SLC14A2: variants seen among roughly 807,000 people sequenced by gnomAD.
The protein encoded by SLC14A2 is solute carrier family 14 member 2, also known as urea transporter 2.
SLC14A2 carries 91 observed loss-of-function variants against 104.6 expected under a neutral mutation model. The ratio of observed to expected loss-of-function variants is 0.87; its 90% CI spans 0.73 to 1.04. SLC14A2 has a LOEUF of 1.04. SLC14A2 is among the 50% of genes least tolerant of loss of function. The pLI is 0.00. For missense variants in SLC14A2, 1,189 were observed against 1,156.0 expected (o/e 1.03, Z -0.41); for synonymous variants, 476 against 466.4 (o/e 1.02, Z -0.27).
intron 2 of SLC14A2, among the ~76,000 whole-genome samples, chr18:45,578,633 G>C (rs909241322): frequency 1.3e-5 from 2 of 152,192 alleles, no homozygotes; most frequent in African/African-American, 4.8e-5. Context: ...AATTTTGCCT[G>C]AAGGTAGAAC....
intron 1 of SLC14A2, among the ~76,000 whole-genome samples, chr18:45,414,109 C>T (rs2086243679): frequency 6.6e-6 from 1 of 152,174 alleles, no homozygotes; most frequent in Non-Finnish European, 1.5e-5. Context: ...TAAGGACCTG[C>T]ATAATTTATT....
chr18:45,263,049 T>TTTGAATTA (rs1313857602), intron 1 of SLC14A2, among the ~76,000 whole-genome samples: 4 of 152,216 alleles, frequency 2.6e-5, no homozygotes, highest in Non-Finnish European at 5.9e-5. Flanking sequence ...TTTATTTGAA[T>TTTGAATTA]TTCATCAGTT....
chr18:45,620,468 T>A (rs908090617), intron 1 of SLC14A2, among the ~76,000 whole-genome samples: 39 of 152,212 alleles, frequency 2.6e-4, no homozygotes, highest in Admixed American at 2.0e-4. Flanking sequence ...ATTGTCTGCA[T>A]ACAGAAGGGA....
chr18:45,190,522 T>C, the SLC14A2 span, among the ~76,000 whole-genome samples: 41 of 152,286 alleles, frequency 2.7e-4, no homozygotes, highest in Non-Finnish European at 4.0e-4. Flanking sequence ...TGTGAGCAGT[T>C]GGGTTTGAGG....
chr18:45,532,126 A>T (rs972366723), intron 2 of SLC14A2, among the ~76,000 whole-genome samples: 7 of 152,200 alleles, frequency 4.6e-5, no homozygotes, highest in African/African-American at 1.7e-4. Flanking sequence ...GTTTGAAGTC[A>T]GGTAGCATGA....
At chr18:45,259,670 C>A (rs958776643) in intron 1 of SLC14A2, among the ~76,000 whole-genome samples, 3 of 152,072 alleles carry the variant, frequency 2.0e-5, no homozygotes, top group Admixed American at 2.0e-4. Flanking sequence ...TTCAAGGGCA[C>A]TGAAGGAGCA....
At chr18:45,571,676 T>C (rs931870724) in intron 2 of SLC14A2, among the ~76,000 whole-genome samples, 37 of 152,292 alleles carry the variant, frequency 2.4e-4, no homozygotes, top group Non-Finnish European at 4.6e-4. Flanking sequence ...CCACATCTTA[T>C]GTTTTCTTCT....
chr18:45,571,588 G>C (rs1465340268), intron 2 of SLC14A2, among the ~76,000 whole-genome samples: 1 of 152,228 alleles, frequency 6.6e-6, no homozygotes, highest in African/African-American at 2.4e-5. Flanking sequence ...AATGGTCCTA[G>C]TCCGTAGCTC....
chr18:45,180,066 T>A, the SLC14A2 span: 5 of 152,294 alleles, frequency 3.3e-5, no homozygotes, highest in Non-Finnish European at 7.3e-5. Flanking sequence ...GGAGAATAGC[T>A]TGAGTCTGGG....
intron 1 of SLC14A2, among the ~76,000 whole-genome samples, chr18:45,322,817 T>G (rs182914872): frequency 5.7e-4 from 87 of 152,302 alleles, no homozygotes; most frequent in Non-Finnish European, 1.2e-3. Flanking sequence ...CCAGCACTTT[T>G]TTTTCACTTT....
At chr18:45,486,811 G>T (rs995663983) in intron 2 of SLC14A2, among the ~76,000 whole-genome samples, 1 of 152,168 alleles carries the variant, frequency 6.6e-6, no homozygotes, top group Non-Finnish European at 1.5e-5. Context: ...AGAATAAAAA[G>T]ATAAATGTTG....
chr18:45,463,464 G>C (rs2087082294), intron 1 of SLC14A2, among the ~76,000 whole-genome samples: 1 of 152,222 alleles, frequency 6.6e-6, no homozygotes, highest in Non-Finnish European at 1.5e-5. Flanking sequence ...ATGCACTGTA[G>C]ATGCTCGATA....
At chr18:45,288,166 GC>G (rs2084833926) in intron 1 of SLC14A2, among the ~76,000 whole-genome samples, 1 of 140,062 alleles carries the variant, frequency 7.1e-6, no homozygotes, top group African/African-American at 3.0e-5. Flanking sequence ...GCAAATGGTA[GC>G]TTTTGTTGAT....
At chr18:45,263,909 T>G (rs1048590372) in intron 1 of SLC14A2, among the ~76,000 whole-genome samples, 5 of 152,204 alleles carry the variant, frequency 3.3e-5, no homozygotes, top group Non-Finnish European at 7.3e-5. Flanking sequence ...CTCCTTTTAT[T>G]GGAGAATGGC....
At chr18:45,213,383 CAA>C (rs1354004787) in intron 1 of SLC14A2, among the ~76,000 whole-genome samples, 1 of 152,014 alleles carries the variant, frequency 6.6e-6, no homozygotes, top group Non-Finnish European at 1.5e-5. Context: ...TCAATTGTTT[CAA>C]AGAGATGAGA....
At chr18:45,555,930 G>A (rs936970960) in intron 2 of SLC14A2, among the ~76,000 whole-genome samples, 2 of 152,162 alleles carry the variant, frequency 1.3e-5, no homozygotes, top group African/African-American at 4.8e-5. Context: ...AGTGTGCAGG[G>A]TCCAGCTCAT....
intron 2 of SLC14A2, among the ~76,000 whole-genome samples, chr18:45,605,441 GA>G (rs1220688807): frequency 6.6e-6 from 1 of 151,994 alleles, no homozygotes; most frequent in Non-Finnish European, 1.5e-5. Context: ...GTTCTGCCAG[GA>G]CTTTTGACCT....
intron 1 of SLC14A2, among the ~76,000 whole-genome samples, chr18:45,391,051 G>A (rs1397648620): frequency 1.3e-5 from 2 of 151,984 alleles, no homozygotes; most frequent in South Asian, 2.1e-4. Context: ...TTAACATTAG[G>A]TATATCTCCT....
intron 2 of SLC14A2, among the ~76,000 whole-genome samples, chr18:45,571,200 AT>A (rs1441498247): frequency 1.3e-5 from 2 of 152,234 alleles, no homozygotes; most frequent in Non-Finnish European, 2.9e-5. Flanking sequence ...CACACAATCC[AT>A]AAATAACGGA....
Sources: gnomAD v4.1 joint callset for allele counts (sites outside exome capture counted in the v4.1 genomes callset) on GRCh38, gnomAD v4.1.1 for gene constraint, MANE v1.5 for transcripts, NCBI Gene and HGNC (gene_info 2026-07-23, HGNC 2026-07-21) for gene names.